The following ULK2 variants were observed in gnomAD, a reference collection of about 807,000 sequenced individuals.
ULK2 encodes serine/threonine-protein kinase ULK2.
ULK2 carries 76 observed loss-of-function variants against 127.5 expected under a neutral mutation model. That is an observed-to-expected ratio of 0.60 (90% CI 0.50 to 0.72). The LOEUF (loss-of-function observed/expected upper bound fraction) is 0.72, where lower values mean the gene tolerates loss of function less well. ULK2 is among the 30% of genes least tolerant of loss of function. ULK2 has a pLI of 0.00. For synonymous variants in ULK2, 452 were observed against 461.9 expected, an observed-to-expected ratio of 0.98 and a Z score of 0.28; for missense variants, 1,144 against 1,295.9, an observed-to-expected ratio of 0.88 and a Z score of 1.80.
intron 14 of ULK2, 25 bp from the exon 15 acceptor site, chr17:19,804,855 G>C (rs751946147): frequency 6.2e-7 from 1 of 1,604,374 alleles, no homozygotes; most frequent in African/African-American, 1.3e-5. Flanking sequence ...TATTGAAAAA[G>C]GAAAGAAACA....
intron 15 of ULK2, 114 bp from the exon 16 acceptor site, chr17:19,802,036 C>T (rs2087412466): frequency 2.6e-6 from 3 of 1,170,146 alleles, no homozygotes; most frequent in Non-Finnish European, 3.5e-6. Context: ...ATATGTAATA[C>T]AGTCACATGG....
chr17:19,806,287 G>A (rs2152387573), intron 14 of ULK2, among the ~76,000 whole-genome samples: 1 of 152,218 alleles, frequency 6.6e-6, no homozygotes, highest in Admixed American at 6.5e-5. Flanking sequence ...CAGAGTTTTT[G>A]AAGCATTCAT....
intron 18 of ULK2, among the ~76,000 whole-genome samples, chr17:19,796,712 G>A (rs1047483999): frequency 2.6e-5 from 4 of 152,092 alleles, no homozygotes; most frequent in Admixed American, 6.5e-5. Flanking sequence ...TTCTGTGAAC[G>A]GCCCGGTCCC....
At chr17:19,855,038 T>A (rs1455339811) in intron 3 of ULK2, among the ~76,000 whole-genome samples, 1 of 149,234 alleles carries the variant, frequency 6.7e-6, no homozygotes, top group Non-Finnish European at 1.5e-5. Flanking sequence ...AAGCAGAGGT[T>A]GCAGTGAGCT....
intron 12 of ULK2, 99 bp from the exon 13 acceptor site, chr17:19,817,019 G>A (rs1235209939): frequency 1.8e-6 from 2 of 1,094,580 alleles, no homozygotes; most frequent in South Asian, 1.8e-5. Flanking sequence ...CCACAAAAGT[G>A]GGCATGAAGT....
In ULK2 at chr17:19,780,997, G is replaced by A. The variant is rs1318308338; in HGVS notation, c.2747C>T (p.Ala916Val). The A allele has an allele frequency of 6.2e-6, 10 of 1,613,994 alleles. No homozygotes were observed. The highest frequency in any genetic ancestry group is 2.2e-5 in the East Asian group (1 of 44,868). The stretch of plus-strand genomic sequence containing the variant: ...GCCTTCTCCCATACCTTGTTTCACA[G>A]CTGTGGATGGGCTCAGTTTCCCGGA... ...IKSGKLSPST[A>V]VKQVVKNLNE... Residue 916 changes from alanine (A) to valine (V), a missense_variant, in exon 24 of 27, where the codon GCT becomes GTT. Physicochemically the swap from Ala to Val is moderately conservative, Grantham distance 64 (BLOSUM62 0). Coordinates refer to ENST00000395544, the MANE Select transcript of ULK2 (RefSeq NM_014683.4).
Position 19,776,114 on chromosome 17 carries a change from C to T in ULK2, c.*235G>A. The T allele has an allele frequency of 2.0e-6, 1 of 489,262 alleles. No individual in the cohort carries two copies. The highest frequency in any genetic ancestry group is 3.6e-5 in the South Asian group (1 of 27,858). 30.3% of individuals were successfully genotyped at this position (489,262 alleles called of 1,614,324 possible). A position where few individuals can be genotyped will look rare whatever the true frequency, so the allele number is the denominator to read the frequency against. On this transcript the variant is annotated 3_prime_UTR_variant, in exon 27 of 27. Coordinates refer to ENST00000395544, the MANE Select transcript of ULK2 (RefSeq NM_014683.4). The stretch of plus-strand genomic sequence containing the variant: ...AAGTCCAAACTGGGAGCCAAACACT[C>T]TTGCTCCTGCTTCTACAAAGAAAAA...
intron 10 of ULK2, among the ~76,000 whole-genome samples, chr17:19,826,694 G>A (rs527857130): frequency 3.3e-5 from 5 of 152,262 alleles, no homozygotes; most frequent in South Asian, 4.1e-4. Flanking sequence ...GGTGGCTCAC[G>A]CCCGTAAGCC....
chr17:19,799,542 C>T lies in ULK2; in HGVS notation c.1475G>A (p.Cys492Tyr). 5.1e-6 allele frequency: 8 copies of T among 1,565,052 alleles called. No homozygotes were observed. Among genetic ancestry groups the T allele is most frequent in the Non-Finnish European group, 6.9e-6 (8 of 1,166,356 alleles). ...GTCATGGCCCTGAGGATGCCCACAG[C>T]AGCACTGACTGAATTGCTCAGGAAT... The part of the protein sequence containing the change: ...GTIPEQFSQC[C>Y]CGHPQGHDSR... Residue 492 changes from cysteine (C) to tyrosine (Y), a missense_variant, in exon 17 of 27, where the codon TGC becomes TAC. Cys to Tyr is a radical substitution (Grantham distance 194, BLOSUM62 -2). This residue lies in a region of ULK2 where 913 missense variants were observed against 970.5 expected (regional missense o/e 0.94). Transcript: ENST00000395544.
At chr17:19,809,516 G>T (rs1224523946) in intron 14 of ULK2, among the ~76,000 whole-genome samples, 1 of 150,814 alleles carries the variant, frequency 6.6e-6, no homozygotes, top group African/African-American at 2.4e-5. Flanking sequence ...GCAATCACCT[G>T]AGGTCAGGAG....
At chr17:19,863,544 G>C (rs988406312) in intron 3 of ULK2, among the ~76,000 whole-genome samples, 16 of 150,376 alleles carry the variant, frequency 1.1e-4, no homozygotes, top group South Asian at 2.1e-4. Context: ...TGTTGTCCAG[G>C]CAGGACTTCA....
At chr17:19,781,854 A>G (rs1240781044) in intron 23 of ULK2, 35 bp downstream of exon 23, 2 of 1,600,246 alleles carry the variant, frequency 1.2e-6, no homozygotes, top group Non-Finnish European at 1.7e-6. Flanking sequence ...ACAAAGCATG[A>G]AAAGTCTGGA....
At chr17:19,836,304 A>C (rs2041596466) in intron 10 of ULK2, among the ~76,000 whole-genome samples, 1 of 151,958 alleles carries the variant, frequency 6.6e-6, no homozygotes, top group African/African-American at 2.4e-5. Flanking sequence ...AGTTACTCAG[A>C]AGGCTAAGGC....
intron 20 of ULK2, among the ~76,000 whole-genome samples, chr17:19,787,941 T>A (rs945675543): frequency 1.3e-5 from 2 of 152,166 alleles, no homozygotes; most frequent in Non-Finnish European, 2.9e-5. Context: ...GGATTGCACA[T>A]TGAACTCAGT....
chr17:19,828,260 A>G (rs1334623947), intron 10 of ULK2, among the ~76,000 whole-genome samples: 1 of 152,204 alleles, frequency 6.6e-6, no homozygotes, highest in East Asian at 1.9e-4. Context: ...AGAAATGCTA[A>G]AGAGAGTACT....
Position 19,777,625 on chromosome 17 carries a change from C to T in ULK2, c.3008G>A (p.Ser1003Asn). The change falls in exon 26 of 27, where the codon AGT becomes AAT. Residue 1003 changes from serine (S) to asparagine (N), a missense_variant. By Grantham distance (46) the Ser-to-Asn change is conservative. Transcript: ENST00000395544. Reference protein sequence around the residue: ...HKAALLLEGLSRILQDPADIE... With the variant: ...HKAALLLEGLNRILQDPADIE... ...ATCTGCAGGGTCCTGTAGAATCCTA[C>T]TTAGGCCTTCCAAAAGAAGGGCTGC... 6.2e-7 allele frequency: 1 copy of T among 1,614,068 alleles called. No homozygotes were observed. Among genetic ancestry groups the T allele is most frequent in the Non-Finnish European group, 8.5e-7 (1 of 1,179,994 alleles).
At chr17:19,846,674 T>A (rs1219274019) in intron 6 of ULK2, 63 bp downstream of exon 6, 2 of 1,458,204 alleles carry the variant, frequency 1.4e-6, no homozygotes, top group Middle Eastern at 1.8e-4. Flanking sequence ...TCAACAAAGC[T>A]AAAGTTGTCT....
chr17:19,776,198 T>G lies in ULK2; in HGVS notation c.*151A>C. Reference sequence around the variant, plus strand: ...TCCTACAAATATGTAGTTTTTGGATTGTTTTTCCTTTTTCAAATCACTGCT... The same window carrying G: ...TCCTACAAATATGTAGTTTTTGGATGGTTTTTCCTTTTTCAAATCACTGCT... On this transcript the variant is annotated 3_prime_UTR_variant, in exon 27 of 27. Transcript: ENST00000395544. The G allele has an allele frequency of 3.2e-6, 2 of 616,878 alleles. No homozygotes were observed. The highest frequency in any genetic ancestry group is 5.3e-6 in the Non-Finnish European group (2 of 376,968). The allele number at this position is 616,878 out of a possible 1,614,324, so 38.2% of individuals were successfully genotyped here. A position where few individuals can be genotyped will look rare whatever the true frequency, so the allele number is the denominator to read the frequency against.
chr17:19,771,953 G>A lies in ULK2; in HGVS notation c.*4396C>T, dbSNP rs1238956829. On this transcript the variant is annotated 3_prime_UTR_variant, in exon 27 of 27. Transcript: ENST00000395544. ...CAGGGAGGTCCGCCCTGCGCAGAGA[G>A]GGAGTGCAGACCTAAAGAGAGCCAC... 6.6e-6 allele frequency: 1 copy of A among 152,360 alleles called. No individual in the cohort carries two copies. Among genetic ancestry groups the A allele is most frequent in the African/African-American group, 2.4e-5 (1 of 41,464 alleles). 9.4% of individuals were successfully genotyped at this position (152,360 alleles called of 1,614,324 possible).
Sources: allele counts gnomAD v4.1 joint callset (sites outside exome capture counted in the v4.1 genomes callset), GRCh38; gene constraint gnomAD v4.1.1; regional missense constraint gnomAD v4.1.1; transcripts MANE v1.5; gene names NCBI Gene and HGNC (gene_info 2026-07-23, HGNC 2026-07-21).